GRTP1: variants seen among roughly 807,000 people sequenced by gnomAD.
The protein encoded by GRTP1 is growth hormone-regulated TBC protein 1.
A neutral mutation model predicts 38.1 loss-of-function variants in GRTP1; 56 were observed. The observed-to-expected ratio is 1.47, with a 90% confidence interval of 1.19 to 1.84. GRTP1 has a LOEUF of 1.84. Among genes scored for constraint, GRTP1 ranks in the 40% most tolerant of loss-of-function variants. The pLI, the probability that GRTP1 is intolerant of heterozygous loss-of-function variation, is 0.00. For missense variants in GRTP1, 506 were observed against 453.9 expected, an observed-to-expected ratio of 1.11 and a Z score of -1.04; for synonymous variants, 217 against 189.5, an observed-to-expected ratio of 1.14 and a Z score of -1.19.
Position 113,324,574 on chromosome 13 carries a change from T to TTTTC in GRTP1, c.922-1_924dup (p.Ile309GlufsTer50), listed in dbSNP as rs2042731363. 1.2e-6 allele frequency: 2 copies of TTTTC among 1,605,432 alleles called. No homozygotes were observed. Among genetic ancestry groups the TTTTC allele is most frequent in the Non-Finnish European group, 1.7e-6 (2 of 1,176,138 alleles). ...GATAAGCTTCCAGGTTCTGAAAATA[T>TTTTC]TTTCTGGAAGGCAAACAGTTAGTTT... On this transcript the variant is annotated frameshift_variant, in exon 8 of 8. Coordinates refer to ENST00000375431, the MANE Select transcript of GRTP1 (RefSeq NM_024719.4). LOFTEE classifies it high-confidence loss of function.
chr13:113,328,969 C>T (rs58592673), intron 5 of GRTP1, among the ~76,000 whole-genome samples: 6,951 of 150,056 alleles, frequency 0.046, 405 homozygotes, highest in African/African-American at 0.13. Context: ...GGACTAAATT[C>T]TCCTGGTTCC....
chr13:113,353,222 C>T (rs979422463), intron 3 of GRTP1, among the ~76,000 whole-genome samples: 2 of 150,930 alleles, frequency 1.3e-5, no homozygotes, highest in Non-Finnish European at 3.0e-5. Context: ...GGGTAGGAAC[C>T]CACAGCTGAA....
chr13:113,327,572 C>T (rs937756991), intron 5 of GRTP1, among the ~76,000 whole-genome samples: 3 of 152,218 alleles, frequency 2.0e-5, no homozygotes, highest in African/African-American at 7.2e-5. Flanking sequence ...AGTGAGCACA[C>T]AGTGAAGTCG....
intron 7 of GRTP1, chr13:113,325,118 C>T (rs1566409050): frequency 3.0e-6 from 3 of 1,016,426 alleles, no homozygotes; most frequent in Non-Finnish European, 2.4e-6. Context: ...GCGTGAGCCA[C>T]CGCGCCCGGC....
intron 5 of GRTP1, among the ~76,000 whole-genome samples, chr13:113,334,389 G>C (rs1287636353): frequency 6.7e-6 from 1 of 148,834 alleles, no homozygotes; most frequent in Non-Finnish European, 1.5e-5. Context: ...AAAGATAAAG[G>C]AATCGAGAAA....
chr13:113,349,679 G>A lies in GRTP1; in HGVS notation c.465+1170C>T, dbSNP rs2043225767. 6.6e-6 allele frequency among the ~76,000 whole-genome samples: 1 copy of A among 152,234 alleles called. No homozygotes were observed. Among genetic ancestry groups the A allele is most frequent in the Admixed American group, 6.5e-5 (1 of 15,290 alleles). On this transcript the variant is annotated intron_variant, in intron 4 of 7. Transcript: ENST00000375431. The surrounding 1 kb of genome is among the most constrained non-coding windows in gnomAD (Gnocchi z 5.0). ...GCGTGGTCCCGTGGCTCTGCTGCTG[G>A]CCTTTCACAGGGCGCTCCTCACGCA...
intron 7 of GRTP1, chr13:113,325,141 C>G: frequency 9.7e-7 from 1 of 1,028,318 alleles, no homozygotes; most frequent in Non-Finnish European, 1.2e-6. Flanking sequence ...ACATGGTCTT[C>G]TCTTTGATGA....
rs575328637 is a variant in GRTP1, at chr13:113,356,557, C to T, written c.182-1076G>A. On this transcript the variant is annotated intron_variant, in intron 2 of 7. Transcript: ENST00000375431. ...CTGGGATTACAGGCGTGAGCCACCA[C>T]GCCTGGCCCTGCACATATTTGAAAA... Among the ~76,000 whole-genome samples, 13 of 152,252 alleles carry T rather than the reference C, an allele frequency of 8.5e-5. No homozygotes were observed. The East Asian group carries it at 1.9e-3, about 23-fold the overall frequency.
intron 4 of GRTP1, 59 bp from the exon 5 acceptor site, chr13:113,345,018 T>G: frequency 6.4e-7 from 1 of 1,550,780 alleles, no homozygotes; most frequent in Non-Finnish European, 8.6e-7. Flanking sequence ...CATTTGATTC[T>G]GCAATCATTC....
At chr13:113,336,640 G>A (rs1939822116) in intron 5 of GRTP1, among the ~76,000 whole-genome samples, 1 of 152,120 alleles carries the variant, frequency 6.6e-6, no homozygotes, top group Non-Finnish European at 1.5e-5. Flanking sequence ...CCAGCCCCTT[G>A]CCCTGGGCCC....
Position 113,325,685 on chromosome 13 carries a change from C to T in GRTP1, c.897G>A (p.Val299=), listed in dbSNP as rs774290666. 22 of 1,614,116 alleles carry T rather than the reference C, an allele frequency of 1.4e-5. No individual in the cohort carries two copies. Among genetic ancestry groups the T allele is most frequent in the Admixed American group, 1.7e-5 (1 of 60,014 alleles). Residue 299 remains valine, a synonymous_variant, in exon 7 of 8, where the codon GTG becomes GTA. Transcript: ENST00000375431. ...KFKQITKGSF[V]MECHTFMQKI... ...CCTGCATAAACGTGTGACACTCCATCACGAAACTCCCTTTGGTTATCTGCT... is the reference window on the plus strand; with the variant it reads ...CCTGCATAAACGTGTGACACTCCATTACGAAACTCCCTTTGGTTATCTGCT...
intron 3 of GRTP1, among the ~76,000 whole-genome samples, chr13:113,354,544 T>A (rs1215475537): frequency 6.6e-6 from 1 of 152,070 alleles, no homozygotes; most frequent in Non-Finnish European, 1.5e-5. Flanking sequence ...TTTTTTTTTT[T>A]TGAGATGGAG....
chr13:113,343,636 T>C lies in GRTP1; in HGVS notation c.562+1227A>G, dbSNP rs1297789557. On this transcript the variant is annotated intron_variant, in intron 5 of 7. Transcript: ENST00000375431. This position sits in a 1 kb window ranked among gnomAD's most constrained non-coding sequence, Gnocchi z 4.8. ...CAAATTCTCCCGGCCTTCGGTGTCCTCACCCTGGAAATGGGGTGGGTGACT... is the reference window on the plus strand; with the variant it reads ...CAAATTCTCCCGGCCTTCGGTGTCCCCACCCTGGAAATGGGGTGGGTGACT... 2.0e-5 allele frequency among the ~76,000 whole-genome samples: 3 copies of C among 152,214 alleles called. No individual in the cohort carries two copies. Among genetic ancestry groups the C allele is most frequent in the Non-Finnish European group, 1.5e-5 (1 of 68,026 alleles).
At chr13:113,326,155 C>A in intron 5 of GRTP1, 64 bp from the exon 6 acceptor site, 1 of 1,578,746 alleles carries the variant, frequency 6.3e-7, no homozygotes, top group Non-Finnish European at 8.6e-7. Flanking sequence ...CCCCATTCCC[C>A]TCAGAGCCAG....
intron 2 of GRTP1, chr13:113,359,777 C>A (rs1486280582): frequency 6.6e-6 from 1 of 152,142 alleles, no homozygotes; most frequent in African/African-American, 2.4e-5. Context: ...TGGAGCAACA[C>A]CCGGAAGCTT....
At chr13:113,341,254 T>G (rs1321982098) in intron 5 of GRTP1, among the ~76,000 whole-genome samples, 1 of 151,982 alleles carries the variant, frequency 6.6e-6, no homozygotes, top group Non-Finnish European at 1.5e-5. Flanking sequence ...TATGTATGTG[T>G]GTATGTATGT....
In GRTP1 at chr13:113,343,446, C is replaced by T. The variant is rs527812865; in HGVS notation, c.562+1417G>A. ...CTCCGTCAGGCTGGTCTCTGGCATC[C>T]TCATTTCTGCGCCCTTGGGTTGAGG... On this transcript the variant is annotated intron_variant, in intron 5 of 7. Coordinates refer to ENST00000375431, the MANE Select transcript of GRTP1 (RefSeq NM_024719.4). The surrounding 1 kb of genome is among the most constrained non-coding windows in gnomAD (Gnocchi z 4.8). Among the ~76,000 whole-genome samples the T allele has an allele frequency of 2.6e-5, 4 of 152,298 alleles. No homozygotes were observed. The highest frequency in any genetic ancestry group is 7.2e-5 in the African/African-American group (3 of 41,566).
In GRTP1 at chr13:113,343,293, G is replaced by A. The variant is rs557962883; in HGVS notation, c.562+1570C>T. On this transcript the variant is annotated intron_variant, in intron 5 of 7. Coordinates refer to ENST00000375431, the MANE Select transcript of GRTP1 (RefSeq NM_024719.4). The surrounding 1 kb of genome is among the most constrained non-coding windows in gnomAD (Gnocchi z 4.8). ...TTCACCGAACTGAGCTGAGACAGCC[G>A]GCATCCTTTCCGCCCTGCGAGGTTC... Among the ~76,000 whole-genome samples the A allele has an allele frequency of 3.3e-4, 50 of 152,174 alleles. No individual in the cohort carries two copies. Among genetic ancestry groups the A allele is most frequent in the African/African-American group, 1.1e-3 (44 of 41,514 alleles).
At chr13:113,338,517 G>A (rs1466788681) in intron 5 of GRTP1, among the ~76,000 whole-genome samples, 1 of 152,148 alleles carries the variant, frequency 6.6e-6, no homozygotes, top group African/African-American at 2.4e-5. Context: ...GCCTTGGGCG[G>A]GGAGGCCTGA....
Sources: gnomAD v4.1 joint callset for allele counts (sites outside exome capture counted in the v4.1 genomes callset) on GRCh38, gnomAD v4.1.1 for gene constraint, Gnocchi (gnomAD v3.1) non-coding constraint, MANE v1.5 for transcripts, NCBI Gene and HGNC (gene_info 2026-07-23, HGNC 2026-07-21) for gene names.